Variants in RIC1 observed in about 807,000 individuals in gnomAD.
RIC1 encodes the protein RIC1 partner of RAB6A GEF complex, also known as guanine nucleotide exchange factor subunit RIC1.
Under a neutral mutation model 169.0 loss-of-function variants are expected in RIC1, and 88 were observed. That is an observed-to-expected ratio of 0.52 (90% CI 0.44 to 0.62). RIC1 has a LOEUF of 0.62. RIC1 is among the 20% of genes least tolerant of loss of function. The probability of loss-of-function intolerance (pLI) is 0.00; values close to 1 mark genes in which losing one functional copy is unlikely to be tolerated. For synonymous variants in RIC1, 790 were observed against 601.5 expected (o/e 1.31, Z -4.59); for missense variants, 1,877 against 1,725.5 (o/e 1.09, Z -1.56).
intron 1 of RIC1, among the ~76,000 whole-genome samples, chr9:5,645,550 C>A (rs767725766): frequency 6.6e-6 from 1 of 152,150 alleles, no homozygotes; most frequent in African/African-American, 2.4e-5. Flanking sequence ...AATGGTAATT[C>A]CTGGTTTTCT....
At chr9:5,716,968 G>A (rs990352829) in intron 4 of RIC1, among the ~76,000 whole-genome samples, 16 of 152,124 alleles carry the variant, frequency 1.1e-4, no homozygotes, top group African/African-American at 3.9e-4. Context: ...ACCACGCCTG[G>A]CTCAGCCTTT....
intron 7 of RIC1, 110 bp from the exon 8 acceptor site, chr9:5,738,340 G>A (rs1824858010): frequency 2.9e-6 from 2 of 687,252 alleles, no homozygotes; most frequent in East Asian, 2.8e-5. Flanking sequence ...TTGACAAAGT[G>A]GTTTTGTTCT....
chr9:5,663,634 C>T (rs562966069), intron 2 of RIC1, among the ~76,000 whole-genome samples: 30 of 152,080 alleles, frequency 2.0e-4, no homozygotes, highest in African/African-American at 4.3e-4. Flanking sequence ...GATCGCAGTC[C>T]GTGGTTCTTT....
chr9:5,727,257 T>G (rs1479833095), intron 6 of RIC1, among the ~76,000 whole-genome samples: 2 of 152,216 alleles, frequency 1.3e-5, no homozygotes, highest in Non-Finnish European at 2.9e-5. Flanking sequence ...TCATTTCTTT[T>G]TACTCTTTTT....
At chr9:5,701,093 T>C (rs1040885949) in intron 3 of RIC1, among the ~76,000 whole-genome samples, 2 of 152,212 alleles carry the variant, frequency 1.3e-5, no homozygotes, top group Admixed American at 6.5e-5. Context: ...CTGGGTTCTA[T>C]TTCATTAGTG....
chr9:5,675,130 G>A (rs931258721), intron 2 of RIC1, among the ~76,000 whole-genome samples: 3 of 152,208 alleles, frequency 2.0e-5, no homozygotes, highest in Non-Finnish European at 4.4e-5. Context: ...CTGCTGCTGT[G>A]TCGTTCCCCT....
chr9:5,747,602 T>A, intron 12 of RIC1, 97 bp downstream of exon 12: 1 of 1,093,482 alleles, frequency 9.1e-7, no homozygotes, highest in East Asian at 2.4e-5. Flanking sequence ...TTCAGGCAAC[T>A]GAGAATCCTT....
Position 5,713,914 on chromosome 9 carries a change from G to A in RIC1, c.351G>A (p.Lys117=). ...PVYPKGSPQM[K]GTPHFKEEQC... ...GTTTTAGAGGAAGTCCACAAATGAA[G>A]GGGACACCCCATTTTAAGGAAGAAC... Residue 117 remains lysine (K), a synonymous_variant, in exon 4 of 26, where the codon AAG becomes AAA. Coordinates refer to ENST00000414202, the MANE Select transcript of RIC1 (RefSeq NM_020829.4). 6.2e-7 allele frequency: 1 copy of A among 1,612,722 alleles called. No individual in the cohort carries two copies. The highest frequency in any genetic ancestry group is 8.5e-7 in the Non-Finnish European group (1 of 1,179,038).
At chr9:5,703,557 C>T (rs1026062868) in intron 3 of RIC1, among the ~76,000 whole-genome samples, 1 of 152,186 alleles carries the variant, frequency 6.6e-6, no homozygotes, top group Non-Finnish European at 1.5e-5. Context: ...ATTCTGGATA[C>T]ACTATATAAA....
intron 23 of RIC1, among the ~76,000 whole-genome samples, chr9:5,771,379 C>T (rs996058191): frequency 6.6e-6 from 1 of 152,054 alleles, no homozygotes; most frequent in African/African-American, 2.4e-5. Context: ...CTTTTTGGAG[C>T]ATGTTTTATT....
In RIC1 at chr9:5,772,629, T is replaced by C; in HGVS notation, c.3682T>C (p.Trp1228Arg). 6.2e-7 allele frequency: 1 copy of C among 1,613,900 alleles called. No homozygotes were observed. The change falls in exon 24 of 26, where the codon TGG (tryptophan) becomes CGG (arginine). Residue 1228 changes from tryptophan to arginine, a missense_variant. This residue lies in a region of RIC1 where 681 missense variants were observed against 582.0 expected (regional missense o/e 1.17). Transcript: ENST00000414202. ...AAGTAGCTCCATGGTGGATGGCGAC[T>C]GGACAATGGTGGATGAAAATTTCTC... ...TESSSMVDGD[W>R]TMVDENFSTL...
chr9:5,649,959 T>C (rs1818713378), intron 1 of RIC1, among the ~76,000 whole-genome samples: 1 of 152,140 alleles, frequency 6.6e-6, no homozygotes, highest in Non-Finnish European at 1.5e-5. Context: ...ATAGCATTAG[T>C]GGTGTCTGTG....
chr9:5,650,141 G>T (rs761240953), intron 1 of RIC1, among the ~76,000 whole-genome samples: 2 of 152,086 alleles, frequency 1.3e-5, no homozygotes, highest in Non-Finnish European at 1.5e-5. Flanking sequence ...GTTTAATTGG[G>T]TTGATTCTTA....
chr9:5,695,347 T>G (rs147637628), intron 3 of RIC1, among the ~76,000 whole-genome samples: 319 of 152,308 alleles, frequency 2.1e-3, no homozygotes, highest in African/African-American at 7.1e-3. Flanking sequence ...TTTAGGTAAC[T>G]GAATCCTGGG....
intron 3 of RIC1, among the ~76,000 whole-genome samples, chr9:5,704,057 A>G (rs1362382359): frequency 6.6e-6 from 1 of 150,392 alleles, no homozygotes; most frequent in African/African-American, 2.5e-5. Flanking sequence ...TTTTTTTATT[A>G]TATTAGGGTC....
At chr9:5,682,393 G>T (rs1820905677) in intron 2 of RIC1, among the ~76,000 whole-genome samples, 1 of 152,106 alleles carries the variant, frequency 6.6e-6, no homozygotes, top group African/African-American at 2.4e-5. Context: ...GTCTGTAAAG[G>T]ATTTTATTTC....
intron 6 of RIC1, among the ~76,000 whole-genome samples, chr9:5,727,733 C>A (rs1205391199): frequency 6.6e-6 from 1 of 152,128 alleles, no homozygotes; most frequent in African/African-American, 2.4e-5. Context: ...TGTGGATGTC[C>A]TTTCTGTTTG....
intron 2 of RIC1, 98 bp downstream of exon 2, chr9:5,656,788 C>T (rs777580864): frequency 1.1e-4 from 73 of 694,370 alleles, no homozygotes; most frequent in Non-Finnish European, 1.7e-4. Context: ...GTCTTTTGCA[C>T]TCATAAGTAT....
chr9:5,711,973 CATT>C, intron 3 of RIC1, among the ~76,000 whole-genome samples: 1 of 152,236 alleles, frequency 6.6e-6, no homozygotes, highest in African/African-American at 2.4e-5. Flanking sequence ...TCCAGTCTAT[CATT>C]GTTGAACATT....
Sources: gnomAD v4.1 joint callset for allele counts (sites outside exome capture counted in the v4.1 genomes callset) on GRCh38, gnomAD v4.1.1 for gene constraint, gnomAD v4.1.1 regional missense constraint, MANE v1.5 for transcripts, NCBI Gene and HGNC (gene_info 2026-07-23, HGNC 2026-07-21) for gene names.